KALRN: variants seen among roughly 807,000 people sequenced by gnomAD.
KALRN encodes the protein kalirin RhoGEF kinase, also known as kalirin.
In KALRN, 70 loss-of-function variants were observed where a neutral mutation model predicts 353.7. The ratio of observed to expected loss-of-function variants is 0.20; its 90% confidence interval spans 0.16 to 0.24. The LOEUF is 0.24. Ranked by LOEUF, KALRN falls within the 10% of genes least tolerant of loss-of-function variation. KALRN has a pLI of 1.00. For synonymous variants in KALRN, 1,391 were observed against 1,434.8 expected (o/e 0.97, Z 0.69); for missense variants, 2,791 against 3,756.7 (o/e 0.74, Z 6.72).
At position 124,418,269 on chromosome 3, in the gene KALRN, G is replaced by C. The variant is rs192136289; in HGVS notation, c.2543-4543G>C. On this transcript the variant is annotated intron_variant, in intron 14 of 59. Transcript: ENST00000682506. The stretch of plus-strand genomic sequence containing the variant: ...TAGAACAATGGTTCTTAACCTGTCG[G>C]TAGATTGAGAATCACCTGGGAACTT... 1.6e-3 allele frequency among the ~76,000 whole-genome samples: 238 copies of C among 152,260 alleles called. 2 individuals carry two copies. Among genetic ancestry groups the C allele is most frequent in the African/African-American group, 5.5e-3 (229 of 41,536 alleles).
At chr3:124,209,958 A>G (rs1249309028) in intron 1 of KALRN, among the ~76,000 whole-genome samples, 1 of 152,204 alleles carries the variant, frequency 6.6e-6, no homozygotes, top group Non-Finnish European at 1.5e-5. Context: ...CCATGAAATA[A>G]CTCATTTTCA....
At chr3:124,355,984 G>A (rs1258600431) in intron 10 of KALRN, among the ~76,000 whole-genome samples, 1 of 151,608 alleles carries the variant, frequency 6.6e-6, no homozygotes, top group African/African-American at 2.4e-5. Context: ...CAAAGTGCTG[G>A]GATTACAGGC....
At chr3:124,564,573 G>T (rs1024090703) in intron 34 of KALRN, among the ~76,000 whole-genome samples, 2 of 152,106 alleles carry the variant, frequency 1.3e-5, no homozygotes, top group Non-Finnish European at 1.5e-5. Flanking sequence ...GCTACTCAGT[G>T]GGGGGCTGGG....
intron 34 of KALRN, among the ~76,000 whole-genome samples, chr3:124,578,800 G>C (rs2074367985): frequency 6.6e-6 from 1 of 152,092 alleles, no homozygotes; most frequent in African/African-American, 2.4e-5. Context: ...ATCCAAATAT[G>C]GGGGTGAGTG....
At chr3:124,492,134 A>T (rs990411707) in intron 31 of KALRN, among the ~76,000 whole-genome samples, 1 of 152,340 alleles carries the variant, frequency 6.6e-6, no homozygotes, top group East Asian at 1.9e-4. Flanking sequence ...AAAGCTTCAC[A>T]TGTATTCACT....
intron 10 of KALRN, among the ~76,000 whole-genome samples, chr3:124,368,103 C>A: frequency 1.5e-5 from 1 of 66,668 alleles, no homozygotes; most frequent in African/African-American, 6.2e-5. Flanking sequence ...GACCCCCCCA[C>A]CTCCCTCCCG....
intron 13 of KALRN, among the ~76,000 whole-genome samples, chr3:124,413,110 A>T (rs904434843): frequency 6.6e-6 from 1 of 152,168 alleles, no homozygotes; most frequent in East Asian, 1.9e-4. Context: ...TGTGAGGGTC[A>T]ACTTCCTCTC....
In KALRN at chr3:124,678,173, A is replaced by AT. The variant is rs1559835773; in HGVS notation, c.7194-11dup. The AT allele has an allele frequency of 6.2e-7, 1 of 1,612,426 alleles. No individual in the cohort carries two copies. The highest frequency in any genetic ancestry group is 1.1e-5 in the South Asian group (1 of 91,036). On this transcript the variant is annotated splice_polypyrimidine_tract_variant and intron_variant, in intron 49 of 59. Coordinates refer to ENST00000682506, the MANE Select transcript of KALRN (RefSeq NM_001388419.1). ...CCTGACCTGCCATTTTGATTGGTGC[A>AT]TTTTTTGGTACAACAGGAAGTCATG...
intron 9 of KALRN, among the ~76,000 whole-genome samples, chr3:124,335,960 C>G (rs1416016608): frequency 6.6e-6 from 1 of 152,140 alleles, no homozygotes; most frequent in Non-Finnish European, 1.5e-5. Context: ...GTTCCCTTCA[C>G]AGGTGTCATT....
intron 10 of KALRN, among the ~76,000 whole-genome samples, chr3:124,351,938 T>C (rs1319612696): frequency 2.0e-5 from 3 of 152,324 alleles, no homozygotes; most frequent in East Asian, 3.9e-4. Flanking sequence ...TTTGCAGTCA[T>C]GACAGCCTCC....
chr3:124,113,157 T>C (rs935249511), intron 1 of KALRN, among the ~76,000 whole-genome samples: 1 of 152,194 alleles, frequency 6.6e-6, no homozygotes, highest in Non-Finnish European at 1.5e-5. Flanking sequence ...GTTTAGCTCA[T>C]AGCTCTACCA....
intron 1 of KALRN, among the ~76,000 whole-genome samples, chr3:124,117,193 G>C (rs761549318): frequency 2.0e-5 from 3 of 152,130 alleles, no homozygotes; most frequent in Non-Finnish European, 2.9e-5. Flanking sequence ...GCTTCCTTCT[G>C]ATCTGCATCA....
intron 34 of KALRN, among the ~76,000 whole-genome samples, chr3:124,598,728 G>A (rs1273955294): frequency 6.6e-6 from 1 of 152,156 alleles, no homozygotes; most frequent in Non-Finnish European, 1.5e-5. Context: ...CCAGGCTGGA[G>A]TGCAGTGGCT....
At chr3:124,322,350 T>A (rs1161128656) in intron 6 of KALRN, among the ~76,000 whole-genome samples, 6 of 152,156 alleles carry the variant, frequency 3.9e-5, no homozygotes, top group Non-Finnish European at 8.8e-5. Flanking sequence ...CACAGAGAAG[T>A]CAAGTCATAT....
At chr3:124,337,953 GT>G (rs1196645335) in intron 9 of KALRN, among the ~76,000 whole-genome samples, 18 of 152,236 alleles carry the variant, frequency 1.2e-4, no homozygotes, top group African/African-American at 3.6e-4. Context: ...TCTGATAATA[GT>G]TTATATTTCT....
intron 33 of KALRN, among the ~76,000 whole-genome samples, chr3:124,529,471 C>G (rs1324538024): frequency 1.3e-5 from 2 of 152,076 alleles, no homozygotes; most frequent in African/African-American, 4.8e-5. Flanking sequence ...AGGCAAAACT[C>G]AAATCCAGAA....
intron 1 of KALRN, among the ~76,000 whole-genome samples, chr3:124,129,373 G>T (rs1388485737): frequency 6.6e-6 from 1 of 152,136 alleles, no homozygotes; most frequent in East Asian, 1.9e-4. Flanking sequence ...TTAAGGATCA[G>T]CTCAATGCCT....
chr3:124,246,599 C>A (rs2070308406), intron 3 of KALRN, among the ~76,000 whole-genome samples: 2 of 152,074 alleles, frequency 1.3e-5, no homozygotes, highest in South Asian at 4.2e-4. Flanking sequence ...TCCTTATCTG[C>A]CTTTTATGGA....
Position 124,677,148 on chromosome 3 carries a change from C to T in KALRN, c.7194-1042C>T, listed in dbSNP as rs574409477. Among the ~76,000 whole-genome samples the T allele has an allele frequency of 1.5e-4, 23 of 152,318 alleles. No homozygotes were observed. The East Asian group carries it at 4.4e-3, about 29-fold the overall frequency. ...TCTCTCCCATAATGGACGCTCATCTCATGGAGCCCTGTCTGCATAGGCCCA... is the reference window on the plus strand; with the variant it reads ...TCTCTCCCATAATGGACGCTCATCTTATGGAGCCCTGTCTGCATAGGCCCA... On this transcript the variant is annotated intron_variant, in intron 49 of 59. Coordinates refer to ENST00000682506, the MANE Select transcript of KALRN (RefSeq NM_001388419.1).
Sources: gnomAD v4.1 joint callset for allele counts (sites outside exome capture counted in the v4.1 genomes callset) on GRCh38, gnomAD v4.1.1 for gene constraint, MANE v1.5 for transcripts, NCBI Gene and HGNC (gene_info 2026-07-23, HGNC 2026-07-21) for gene names.